The following CTXN2 variants were observed in gnomAD, a reference collection of about 807,000 sequenced individuals.
CTXN2 encodes cortexin-2.
Under a neutral mutation model 5.7 loss-of-function variants are expected in CTXN2, and 3 were observed. The ratio of observed to expected loss-of-function variants is 0.53; its 90% CI spans 0.24 to 1.36. CTXN2 has a LOEUF of 1.36. CTXN2 is among the 40% of genes most tolerant of loss of function. The probability of loss-of-function intolerance (pLI) is 0.17; values close to 1 mark genes in which losing one functional copy is unlikely to be tolerated. For missense variants in CTXN2, 87 were observed against 93.0 expected (o/e 0.94, Z 0.26); for synonymous variants, 38 against 36.4 (o/e 1.04, Z -0.16).
At chr15:48,195,828 T>C (rs1217593277) in intron 1 of CTXN2, among the ~76,000 whole-genome samples, 1 of 152,158 alleles carries the variant, frequency 6.6e-6, no homozygotes, top group East Asian at 1.9e-4. Flanking sequence ...CAGTATTTGA[T>C]ACACAGTAGA....
upstream of CTXN2, chr15:48,191,403 GA>G (rs926600826): frequency 3.7e-5 from 8 of 213,766 alleles, no homozygotes; most frequent in South Asian, 1.3e-4. Flanking sequence ...TGTGTCGTGA[GA>G]AAAAAAAGGA....
intron 1 of CTXN2, among the ~76,000 whole-genome samples, chr15:48,193,167 G>A (rs1160694480): frequency 2.6e-5 from 4 of 152,086 alleles, no homozygotes; most frequent in Admixed American, 2.6e-4. Flanking sequence ...CCAATCTTAT[G>A]ACTCATCAGT....
Position 48,201,751 on chromosome 15 carries a change from A to G in CTXN2, c.*205A>G, listed in dbSNP as rs1413910596. ...CCTCTGTTCCCACTTAGAGGTTTCC[A>G]ATGAATAGAGCATAAGGATGGCTGC... is the stretch of plus-strand genomic sequence containing the variant. On this transcript the variant is annotated 3_prime_UTR_variant, in exon 2 of 2. Coordinates refer to ENST00000417307, the MANE Select transcript of CTXN2 (RefSeq NM_001145668.2). 1.7e-6 allele frequency: 1 copy of G among 594,808 alleles called. No homozygotes were observed. The highest frequency in any genetic ancestry group is 1.9e-5 in the African/African-American group (1 of 53,416). 36.8% of individuals were successfully genotyped at this position (594,808 alleles called of 1,614,324 possible). A position where few individuals can be genotyped will look rare whatever the true frequency, so the allele number is the denominator to read the frequency against.
upstream of CTXN2, among the ~76,000 whole-genome samples, chr15:48,188,358 G>T (rs1181734283): frequency 1.3e-5 from 2 of 152,108 alleles, no homozygotes. Context: ...TTCATTGTGT[G>T]TAAGAACAGA....
chr15:48,191,263 C>T (rs2040818127), upstream of CTXN2, among the ~76,000 whole-genome samples: 2 of 152,184 alleles, frequency 1.3e-5, no homozygotes. Context: ...CAAAGCACAG[C>T]AAAATGCCCG....
chr15:48,199,097 C>A (rs1456851976), intron 1 of CTXN2, among the ~76,000 whole-genome samples: 2 of 152,258 alleles, frequency 1.3e-5, no homozygotes, highest in East Asian at 1.9e-4. Context: ...GCTATAGACC[C>A]AATGACAGTC....
chr15:48,178,612 A>C (rs1255879062), intron 1 of CTXN2: 1 of 215,316 alleles, frequency 4.6e-6, no homozygotes, highest in Non-Finnish European at 9.0e-6. Context: ...TTAGACATCA[A>C]AGCCCTAACA....
At chr15:48,183,764 C>T (rs972615384) in intron 1 of CTXN2, among the ~76,000 whole-genome samples, 4 of 152,176 alleles carry the variant, frequency 2.6e-5, no homozygotes, top group African/African-American at 4.8e-5. Flanking sequence ...CTTGCAATAT[C>T]GTTCAGGCTA....
At position 48,203,659 on chromosome 15, in the gene CTXN2, A is replaced by C. The variant is rs376445055; in HGVS notation, c.*2113A>C. The C allele has an allele frequency of 6.6e-5, 11 of 166,992 alleles. No homozygotes were observed. Among genetic ancestry groups the C allele is most frequent in the Admixed American group, 5.2e-4 (8 of 15,274 alleles). The allele number at this position is 166,992 out of a possible 1,614,324, so 10.3% of individuals were successfully genotyped here. A position where few individuals can be genotyped will look rare whatever the true frequency, so the allele number is the denominator to read the frequency against. On this transcript the variant is annotated 3_prime_UTR_variant, in exon 2 of 2. Transcript: ENST00000417307. ...CAAGAAAACTTTATGAAATATGAGCATTGTTTCTGGAAGTTCAACTCCCAT... is the reference window on the plus strand; with the variant it reads ...CAAGAAAACTTTATGAAATATGAGCCTTGTTTCTGGAAGTTCAACTCCCAT...
At chr15:48,194,548 A>G (rs2040859334) in intron 1 of CTXN2, among the ~76,000 whole-genome samples, 1 of 152,118 alleles carries the variant, frequency 6.6e-6, no homozygotes, top group Non-Finnish European at 1.5e-5. Context: ...ACCGCTGCAG[A>G]ATTTGACACT....
upstream of CTXN2, chr15:48,191,403 G>GA (rs926600826): frequency 1.8e-4 from 38 of 213,708 alleles, no homozygotes; most frequent in South Asian, 4.0e-4. Context: ...TGTGTCGTGA[G>GA]AAAAAAAAGG....
chr15:48,202,939 T>C lies in CTXN2; in HGVS notation c.*1393T>C, dbSNP rs982632678. ...TTTGAAAACACAGAACTGCAAAACA[T>C]ACCATGAAGGAACAAGACTAATATT... is the stretch of plus-strand genomic sequence containing the variant. On this transcript the variant is annotated 3_prime_UTR_variant, in exon 2 of 2. Coordinates refer to ENST00000417307, the MANE Select transcript of CTXN2 (RefSeq NM_001145668.2). 5 of 165,784 alleles carry C rather than the reference T, an allele frequency of 3.0e-5. No homozygotes were observed. Among genetic ancestry groups the C allele is most frequent in the African/African-American group, 1.2e-4 (5 of 41,446 alleles). The allele number at this position is 165,784 out of a possible 1,614,324, so 10.3% of individuals were successfully genotyped here.
upstream of CTXN2, chr15:48,189,468 C>T (rs34722053): frequency 0.073 from 11,172 of 152,236 alleles, 1,168 homozygotes; most frequent in East Asian, 0.4. Flanking sequence ...TATACATCCG[C>T]AGCAGAATCA....
At chr15:48,198,222 G>A (rs994546696) in intron 1 of CTXN2, among the ~76,000 whole-genome samples, 8 of 151,974 alleles carry the variant, frequency 5.3e-5, no homozygotes, top group African/African-American at 1.9e-4. Flanking sequence ...AAGAGCTACT[G>A]AGTTTTTATA....
At chr15:48,199,737 T>C (rs1382667353) in intron 1 of CTXN2, among the ~76,000 whole-genome samples, 1 of 152,170 alleles carries the variant, frequency 6.6e-6, no homozygotes, top group African/African-American at 2.4e-5. Flanking sequence ...AACTCAATCT[T>C]CAGGAAGATC....
chr15:48,201,293 A>G lies in CTXN2; in HGVS notation c.-8A>G, dbSNP rs1295021699. 1 of 1,550,612 alleles carries G rather than the reference A, an allele frequency of 6.4e-7. No individual in the cohort carries two copies. Among genetic ancestry groups the G allele is most frequent in the Non-Finnish European group, 8.7e-7 (1 of 1,146,246 alleles). On this transcript the variant is annotated 5_prime_UTR_variant, in exon 2 of 2. Transcript: ENST00000417307. ...CTGTGAAGAGCCACAACAATGTGCC[A>G]GTGAATAATGAGTAGTACCTACTGT...
At chr15:48,185,000 A>G (rs1424280398) in intron 1 of CTXN2, among the ~76,000 whole-genome samples, 1 of 152,184 alleles carries the variant, frequency 6.6e-6, no homozygotes, top group Admixed American at 6.5e-5. Flanking sequence ...ATGAAAAGTC[A>G]TGAAGGATGC....
chr15:48,180,395 T>C (rs1030417827), intron 1 of CTXN2, among the ~76,000 whole-genome samples: 1 of 152,278 alleles, frequency 6.6e-6, no homozygotes, highest in African/African-American at 2.4e-5. Flanking sequence ...TAGATTGATC[T>C]TTCCTTCCTT....
chr15:48,193,943 A>G (rs548182994), intron 1 of CTXN2, among the ~76,000 whole-genome samples: 2 of 152,140 alleles, frequency 1.3e-5, no homozygotes, highest in African/African-American at 4.8e-5. Context: ...TGATATTTCA[A>G]CTGCTATATA....
Sources: gnomAD v4.1 joint callset for allele counts (sites outside exome capture counted in the v4.1 genomes callset) on GRCh38, gnomAD v4.1.1 for gene constraint, MANE v1.5 for transcripts, NCBI Gene and HGNC (gene_info 2026-07-23, HGNC 2026-07-21) for gene names.